Variants in ZNF468 observed in about 807,000 individuals in gnomAD.
The protein encoded by ZNF468 is zinc finger protein 468.
In ZNF468, 8 loss-of-function variants were observed where a neutral mutation model predicts 7.2. The observed-to-expected ratio is 1.11, with a 90% CI of 0.65 to 2.01. The LOEUF is 2.01. ZNF468 is among the 30% of genes most tolerant of loss of function. ZNF468 has a pLI of 0.00. For missense variants in ZNF468, 608 were observed against 626.5 expected (o/e 0.97, Z 0.31); for synonymous variants, 218 against 214.4 (o/e 1.02, Z -0.15).
In ZNF468 at chr19:52,838,887, A is replaced by C. The variant is rs545398086; in HGVS notation, c.*1838T>G. 1 of 152,266 alleles carries C rather than the reference A, an allele frequency of 6.6e-6. No individual in the cohort carries two copies. Among genetic ancestry groups the C allele is most frequent in the East Asian group, 1.9e-4 (1 of 5,180 alleles). 9.4% of individuals were successfully genotyped at this position (152,266 alleles called of 1,614,324 possible). A position where few individuals can be genotyped will look rare whatever the true frequency, so the allele number is the denominator to read the frequency against. ...TGATTGGAAAAATGAATATCGCTCAATGATTATATACTCAATTGTGATTTA... is the reference window on the plus strand; with the variant it reads ...TGATTGGAAAAATGAATATCGCTCACTGATTATATACTCAATTGTGATTTA... On this transcript the variant is annotated 3_prime_UTR_variant, in exon 4 of 4. Transcript: ENST00000595646.
chr19:52,840,682 G>C lies in ZNF468; in HGVS notation c.*43C>G. On this transcript the variant is annotated 3_prime_UTR_variant, in exon 4 of 4. Transcript: ENST00000595646. Reference sequence around the variant, plus strand: ...AGTATGAATTGCCTTATGACTTACAGGGTTGAATTGTGATGGAAGGTCTTG... The same window carrying C: ...AGTATGAATTGCCTTATGACTTACACGGTTGAATTGTGATGGAAGGTCTTG... 1 of 1,611,730 alleles carries C rather than the reference G, an allele frequency of 6.2e-7. No homozygotes were observed. Among genetic ancestry groups the C allele is most frequent in the Non-Finnish European group, 8.5e-7 (1 of 1,178,360 alleles).
At chr19:52,856,853 T>C (rs539023786) in intron 1 of ZNF468, among the ~76,000 whole-genome samples, 1 of 152,254 alleles carries the variant, frequency 6.6e-6, no homozygotes, top group South Asian at 2.1e-4. Flanking sequence ...CTCATTCTTC[T>C]TTTCTCTGTC....
intron 3 of ZNF468, among the ~76,000 whole-genome samples, chr19:52,846,990 G>C (rs1305363282): frequency 6.6e-6 from 1 of 150,426 alleles, no homozygotes; most frequent in East Asian, 2.0e-4. Context: ...GACAGAGTGA[G>C]ACTCTGTCAT....
Position 52,841,879 on chromosome 19 carries a change from G to C in ZNF468, c.415C>G (p.Gln139Glu), listed in dbSNP as rs372370233. Residue 139 changes from glutamine (Q) to glutamate (E), a missense_variant, in exon 4 of 4, where the codon CAG becomes GAG. Coordinates refer to ENST00000595646, the MANE Select transcript of ZNF468 (RefSeq NM_001008801.2). Reference protein sequence around the residue: ...RHAGNKRIKDQLGSSFHLHLP... With the variant: ...RHAGNKRIKDELGSSFHLHLP... ...TGCAAATGAAAGCTTGATCCAAGCT[G>C]ATCTTTAATACGCTTGTTTCCAGCA... The C allele has an allele frequency of 6.9e-5, 111 of 1,613,968 alleles. No homozygotes were observed. Among genetic ancestry groups the C allele is most frequent in the Admixed American group, 2.2e-4 (13 of 59,980 alleles).
intron 2 of ZNF468, among the ~76,000 whole-genome samples, chr19:52,851,810 A>C (rs1420080553): frequency 3.9e-5 from 6 of 152,156 alleles, no homozygotes; most frequent in South Asian, 4.1e-4. Context: ...ATATATGCCC[A>C]AAAAATAATA....
chr19:52,849,969 T>C (rs2063373176), intron 2 of ZNF468, among the ~76,000 whole-genome samples: 1 of 151,754 alleles, frequency 6.6e-6, no homozygotes, highest in East Asian at 1.9e-4. Flanking sequence ...TATATATATG[T>C]TCACAAAATA....
intron 1 of ZNF468, among the ~76,000 whole-genome samples, chr19:52,855,691 T>C (rs1375780355): frequency 6.6e-6 from 1 of 152,154 alleles, no homozygotes; most frequent in Non-Finnish European, 1.5e-5. Context: ...CTTCTGCTTT[T>C]TTTTTTTTCA....
rs61733832 is a variant in ZNF468, at chr19:52,841,960, G to A, written c.334C>T (p.Pro112Ser). 3.4e-3 allele frequency: 5,549 copies of A among 1,613,844 alleles called. 171 individuals are homozygous for A. The African/African-American group carries it at 0.065, about 19-fold the overall frequency. Residue 112 changes from proline to serine, a missense_variant, in exon 4 of 4, where the codon CCC becomes TCC. Pro to Ser is a moderately conservative substitution (Grantham distance 74). Coordinates refer to ENST00000595646, the MANE Select transcript of ZNF468 (RefSeq NM_001008801.2). ...GCCAACTCTTTGATTTCTGTCATGG[G>A]TGCTGCATGGCCATTTGTTTCATCT... ...KEDETNGHAA[P>S]MTEIKELAGS...
intron 1 of ZNF468, among the ~76,000 whole-genome samples, chr19:52,855,753 C>T (rs1376465779): frequency 2.6e-5 from 4 of 152,166 alleles, no homozygotes; most frequent in Non-Finnish European, 4.4e-5. Flanking sequence ...TGGGCACTCT[C>T]CTCTACCAGA....
intron 1 of ZNF468, 107 bp downstream of exon 1, chr19:52,857,461 TGAAG>T (rs1452932687): frequency 6.6e-6 from 1 of 152,094 alleles, no homozygotes; most frequent in Non-Finnish European, 1.5e-5. Flanking sequence ...TTGCTCTGAG[TGAAG>T]GAAGAAAGGC....
In ZNF468 at chr19:52,845,871, C is replaced by T. The variant is rs554031104; in HGVS notation, c.142+3216G>A. Among the ~76,000 whole-genome samples, 4 of 151,934 alleles carry T rather than the reference C, an allele frequency of 2.6e-5. No homozygotes were observed. The East Asian group carries it at 7.8e-4, about 30-fold the overall frequency. On this transcript the variant is annotated intron_variant, in intron 3 of 3. Transcript: ENST00000595646. ...ACACAAAATTAGATGGCTGTGGTGGCGCATGCCTGTAATCCCAGCTACTCA... is the reference window on the plus strand; with the variant it reads ...ACACAAAATTAGATGGCTGTGGTGGTGCATGCCTGTAATCCCAGCTACTCA...
At chr19:52,854,961 C>T (rs1349584472) in intron 1 of ZNF468, among the ~76,000 whole-genome samples, 4 of 151,970 alleles carry the variant, frequency 2.6e-5, no homozygotes, top group Non-Finnish European at 4.4e-5. Context: ...GACCCGAGAT[C>T]GCGCCACTGC....
rs1568681102 is a variant in ZNF468, at chr19:52,849,754, ATT to A, written c.16-543_16-542del. On this transcript the variant is annotated intron_variant, in intron 2 of 3. Transcript: ENST00000595646. Reference sequence around the variant, plus strand: ...CCATCTCAAAAAAAAAAAAAAAAAAATTAGCCAGGTGTGACGGCAAGCACCTG... The same window carrying A: ...CCATCTCAAAAAAAAAAAAAAAAAAAAGCCAGGTGTGACGGCAAGCACCTG... The A allele has an allele frequency of 1.7e-5, 2 of 119,472 alleles. 1 individual carries two copies. The highest frequency in any genetic ancestry group is 3.6e-5 in the Non-Finnish European group (2 of 54,856). The allele number at this position is 119,472 out of a possible 1,614,324, so 7.4% of individuals were successfully genotyped here.
chr19:52,850,019 A>G (rs2063373652), intron 2 of ZNF468, among the ~76,000 whole-genome samples: 1 of 152,174 alleles, frequency 6.6e-6, no homozygotes, highest in Non-Finnish European at 1.5e-5. Flanking sequence ...AGATGTGAAT[A>G]CAAAGGGTTG....
chr19:52,853,621 G>A (rs1224321438), intron 2 of ZNF468, among the ~76,000 whole-genome samples: 9,253 of 118,338 alleles, frequency 0.078, 1 homozygote, highest in African/African-American at 0.13. Flanking sequence ...AACCCAGGAG[G>A]CGGAGGTTGC....
At position 52,840,910 on chromosome 19, in the gene ZNF468, T is replaced by G; in HGVS notation, c.1384A>C (p.Thr462Pro). The G allele has an allele frequency of 1.2e-6, 2 of 1,614,012 alleles. No individual in the cohort carries two copies. The highest frequency in any genetic ancestry group is 1.7e-6 in the Non-Finnish European group (2 of 1,179,988). Residue 462 changes from threonine (T) to proline (P), a missense_variant, in exon 4 of 4, where the codon ACT becomes CCT. Transcript: ENST00000595646. ...TTACACTTGTAAGGTTTCTCTCCAG[T>G]ATGAACTCTCTGATGTTGTGCCAGG... Reference protein sequence around the residue: ...SHLAQHQRVHTGEKPYKCNEC... With the variant: ...SHLAQHQRVHPGEKPYKCNEC...
In ZNF468 at chr19:52,854,273, C is replaced by G; in HGVS notation, c.-1G>C. 6.2e-7 allele frequency: 1 copy of G among 1,613,804 alleles called. No individual in the cohort carries two copies. Among genetic ancestry groups the G allele is most frequent in the Non-Finnish European group, 8.5e-7 (1 of 1,179,826 alleles). The stretch of plus-strand genomic sequence containing the variant: ...ATCATCTCACCTGAGGAAGAGCCAT[C>G]CCTGACTCCTTTGCTTTCCTCTTCC... On this transcript the variant is annotated 5_prime_UTR_variant, in exon 2 of 4. Coordinates refer to ENST00000595646, the MANE Select transcript of ZNF468 (RefSeq NM_001008801.2).
chr19:52,846,530 T>C (rs2063343073), intron 3 of ZNF468: 1 of 155,294 alleles, frequency 6.4e-6, no homozygotes, highest in Non-Finnish European at 1.4e-5. Flanking sequence ...TTTGTTATTA[T>C]GCTATAACTT....
chr19:52,841,544 C>G lies in ZNF468; in HGVS notation c.750G>C (p.Lys250Asn). The G allele has an allele frequency of 6.2e-7, 1 of 1,614,080 alleles. No individual in the cohort carries two copies. Among genetic ancestry groups the G allele is most frequent in the Non-Finnish European group, 8.5e-7 (1 of 1,180,018 alleles). Residue 250 changes from lysine to asparagine, a missense_variant, in exon 4 of 4, where the codon AAG (lysine) becomes AAC (asparagine). By Grantham distance (94) the Lys-to-Asn change is moderately conservative (BLOSUM62 0). Coordinates refer to ENST00000595646, the MANE Select transcript of ZNF468 (RefSeq NM_001008801.2). Reference protein sequence around the residue: ...EKQCKCDVCGKVFNQKRYLAC... With the variant: ...EKQCKCDVCGNVFNQKRYLAC... ...CAAGGTATCGCTTCTGATTAAAGAC[C>G]TTGCCACATACATCACATTTACATT... is the stretch of plus-strand genomic sequence containing the variant.
Sources: gnomAD v4.1 joint callset for allele counts (sites outside exome capture counted in the v4.1 genomes callset) on GRCh38, gnomAD v4.1.1 for gene constraint, MANE v1.5 for transcripts, NCBI Gene and HGNC (gene_info 2026-07-23, HGNC 2026-07-21) for gene names.